Variants in ADAMTSL1 observed in about 807,000 individuals in gnomAD.
ADAMTSL1 encodes ADAMTS like 1.
In ADAMTSL1, 126 loss-of-function variants were observed where a neutral mutation model predicts 201.8. That is an observed-to-expected ratio of 0.62 (90% CI 0.54 to 0.72). ADAMTSL1 has a LOEUF of 0.72. Ranked by LOEUF, ADAMTSL1 falls within the 30% of genes least tolerant of loss-of-function variation. ADAMTSL1 has a pLI of 0.00. For synonymous variants in ADAMTSL1, 1,121 were observed against 903.4 expected (o/e 1.24, Z -4.32); for missense variants, 2,679 against 2,277.8 (o/e 1.18, Z -3.59).
intron 1 of ADAMTSL1, among the ~76,000 whole-genome samples, chr9:18,073,001 A>G (rs1158516525): frequency 2.0e-5 from 3 of 152,208 alleles, no homozygotes; most frequent in South Asian, 2.1e-4. Context: ...AAGCGAGACA[A>G]CGAAGCTGAT....
intron 4 of ADAMTSL1, among the ~76,000 whole-genome samples, chr9:18,594,986 A>G (rs189333581): frequency 5.9e-5 from 9 of 152,236 alleles, no homozygotes; most frequent in African/African-American, 2.2e-4. Flanking sequence ...CTGACTGACT[A>G]TGGTGTTCCC....
intron 2 of ADAMTSL1, among the ~76,000 whole-genome samples, chr9:18,348,977 T>C (rs1013796415): frequency 6.6e-6 from 1 of 152,174 alleles, no homozygotes; most frequent in Non-Finnish European, 1.5e-5. Flanking sequence ...ATGTTGACCA[T>C]GAAGGCAAGT....
intron 13 of ADAMTSL1, among the ~76,000 whole-genome samples, chr9:18,706,227 C>T (rs1437641930): frequency 6.6e-6 from 1 of 152,164 alleles, no homozygotes; most frequent in Non-Finnish European, 1.5e-5. Context: ...ATTGCTACGG[C>T]ATTTGTAAAC....
chr9:18,233,748 C>G (rs1830734626), intron 2 of ADAMTSL1, among the ~76,000 whole-genome samples: 1 of 152,168 alleles, frequency 6.6e-6, no homozygotes, highest in South Asian at 2.1e-4. Flanking sequence ...TTGCCAGAAG[C>G]ACTGTACTGC....
intron 25 of ADAMTSL1, among the ~76,000 whole-genome samples, chr9:18,891,424 C>A (rs1380220443): frequency 6.6e-6 from 1 of 152,172 alleles, no homozygotes; most frequent in Non-Finnish European, 1.5e-5. Flanking sequence ...CTCGCGATTT[C>A]CCCAAGCTCT....
At chr9:18,235,584 T>C (rs1830816517) in intron 2 of ADAMTSL1, among the ~76,000 whole-genome samples, 2 of 152,228 alleles carry the variant, frequency 1.3e-5, no homozygotes, top group South Asian at 4.1e-4. Context: ...CAACCAGACA[T>C]TGGGCTAAGT....
intron 13 of ADAMTSL1, among the ~76,000 whole-genome samples, chr9:18,693,568 T>C (rs1409253129): frequency 1.3e-5 from 2 of 152,214 alleles, no homozygotes; most frequent in Non-Finnish European, 2.9e-5. Flanking sequence ...CTTAGTTTCT[T>C]AGAGTCTTTT....
Position 18,509,154 on chromosome 9 carries a change from G to A in ADAMTSL1, c.191+4198G>A, listed in dbSNP as rs560212265. 6.2e-4 allele frequency among the ~76,000 whole-genome samples: 43 copies of A among 69,856 alleles called. 3 individuals are homozygous for A. Among genetic ancestry groups the A allele is most frequent in the Middle Eastern group, 0.012 (1 of 86 alleles). The allele number at this position is 69,856 out of a possible 152,430, so 45.8% of individuals were successfully genotyped here. A position where few individuals can be genotyped will look rare whatever the true frequency, so the allele number is the denominator to read the frequency against. On this transcript the variant is annotated intron_variant, in intron 2 of 28. Transcript: ENST00000380548. ...AGCCGAGATTGCGCCACTGCAGTCC[G>A]CAGTCCGGCCTGGGCGACAGAGCGA... is the stretch of plus-strand genomic sequence containing the variant.
chr9:18,638,284 G>A (rs912779321), intron 6 of ADAMTSL1, among the ~76,000 whole-genome samples: 6 of 152,010 alleles, frequency 3.9e-5, no homozygotes, highest in African/African-American at 1.4e-4. Context: ...AAGTACTTTA[G>A]GTACTTGAGT....
chr9:18,161,361 A>T (rs112996607), intron 1 of ADAMTSL1, among the ~76,000 whole-genome samples: 3 of 152,074 alleles, frequency 2.0e-5, no homozygotes, highest in African/African-American at 4.8e-5. Context: ...AACTAAGTTC[A>T]TTAGGCTTCT....
At chr9:18,903,417 T>G (rs1409135093) in intron 26 of ADAMTSL1, among the ~76,000 whole-genome samples, 2 of 152,200 alleles carry the variant, frequency 1.3e-5, no homozygotes, top group Non-Finnish European at 2.9e-5. Context: ...TAAACTGTTT[T>G]AAAAGTTAAG....
chr9:18,606,266 GT>G (rs1393058751), intron 4 of ADAMTSL1, among the ~76,000 whole-genome samples: 1 of 152,114 alleles, frequency 6.6e-6, no homozygotes, highest in African/African-American at 2.4e-5. Flanking sequence ...CAAGGGGGTT[GT>G]TTTCATATTA....
intron 2 of ADAMTSL1, among the ~76,000 whole-genome samples, chr9:18,294,584 A>G (rs1266519978): frequency 6.6e-6 from 1 of 152,104 alleles, no homozygotes; most frequent in Non-Finnish European, 1.5e-5. Flanking sequence ...TGGTGGTGAT[A>G]TTGGAAGACT....
At chr9:18,650,751 A>AAG (rs748357244) in intron 7 of ADAMTSL1, among the ~76,000 whole-genome samples, 48 of 152,100 alleles carry the variant, frequency 3.2e-4, no homozygotes, top group Non-Finnish European at 1.2e-4. Flanking sequence ...TTCTTCTAAA[A>AAG]ATTTTAAACT....
rs1389047138 is a variant in ADAMTSL1, at chr9:18,394,845, T to A, written c.208-109984T>A. On this transcript the variant is annotated intron_variant, in intron 2 of 29. Transcript: ENST00000680146. ...CTATTAAATGGAACACTTAATCAGC[T>A]TTTTTGCCAAGAGAAAACTTCCCAT... 2.0e-5 allele frequency among the ~76,000 whole-genome samples: 3 copies of A among 152,198 alleles called. No homozygotes were observed. In the East Asian group the frequency reaches 5.8e-4, roughly 29 times the overall value.
intron 1 of ADAMTSL1, among the ~76,000 whole-genome samples, chr9:18,107,306 T>G (rs1192197807): frequency 6.6e-6 from 1 of 152,198 alleles, no homozygotes; most frequent in South Asian, 2.1e-4. Context: ...ATGGGCTCCA[T>G]GTACATGAAT....
intron 4 of ADAMTSL1, among the ~76,000 whole-genome samples, chr9:18,605,130 C>T (rs1824928057): frequency 6.6e-6 from 1 of 152,162 alleles, no homozygotes. Context: ...CTCTTCTGCT[C>T]CCAAGCTCAG....
chr9:18,200,624 A>T (rs1406921265), intron 2 of ADAMTSL1, among the ~76,000 whole-genome samples: 2 of 152,004 alleles, frequency 1.3e-5, no homozygotes, highest in Admixed American at 6.6e-5. Context: ...GAGGTAATAT[A>T]CCTTACCTCT....
At chr9:18,886,166 GTATATATA>G (rs751978972) in intron 23 of ADAMTSL1, among the ~76,000 whole-genome samples, 173 of 37,144 alleles carry the variant, frequency 4.7e-3, no homozygotes, top group South Asian at 0.012. Context: ...GTGTGTATGT[GTATATATA>G]TATATATATA....
Sources: gnomAD v4.1 joint callset for allele counts (sites outside exome capture counted in the v4.1 genomes callset) on GRCh38, gnomAD v4.1.1 for gene constraint, MANE v1.5 for transcripts, NCBI Gene and HGNC (gene_info 2026-07-23, HGNC 2026-07-21) for gene names.